The following FYN variants were observed in gnomAD, a reference collection of about 807,000 sequenced individuals.
FYN encodes the protein FYN proto-oncogene, Src family tyrosine kinase.
In FYN, 10 loss-of-function variants were observed where a neutral mutation model predicts 70.2. That is an observed-to-expected ratio of 0.14 (90% CI 0.09 to 0.24). The LOEUF is 0.24. Among genes scored for constraint, FYN ranks in the 10% least tolerant of loss-of-function variants. The pLI, the probability that FYN is intolerant of heterozygous loss-of-function variation, is 1.00. For missense variants in FYN, 319 were observed against 673.1 expected (o/e 0.47, Z 5.82); for synonymous variants, 236 against 248.6 (o/e 0.95, Z 0.48).
At chr6:111,822,636 A>G (rs1772705322) in intron 2 of FYN, among the ~76,000 whole-genome samples, 1 of 151,362 alleles carries the variant, frequency 6.6e-6, no homozygotes, top group Admixed American at 6.6e-5. Context: ...TTATATATAT[A>G]TATAAAATTT....
chr6:111,846,839 A>G (rs1159197796), intron 1 of FYN, among the ~76,000 whole-genome samples: 1 of 152,198 alleles, frequency 6.6e-6, no homozygotes, highest in African/African-American at 2.4e-5. Context: ...TTGTACCACC[A>G]AAGGAAGCCA....
At chr6:111,821,625 T>C (rs1772665916) in intron 2 of FYN, among the ~76,000 whole-genome samples, 1 of 152,040 alleles carries the variant, frequency 6.6e-6, no homozygotes. Flanking sequence ...AAAGCCAAAA[T>C]TGACAAATGG....
chr6:111,706,430 G>A (rs1018960457), intron 6 of FYN, among the ~76,000 whole-genome samples: 12 of 152,204 alleles, frequency 7.9e-5, no homozygotes, highest in African/African-American at 2.9e-4. Flanking sequence ...GAGACATTGC[G>A]TATTAGCTCC....
At chr6:111,849,091 G>C (rs1331738578) in intron 1 of FYN, among the ~76,000 whole-genome samples, 1 of 152,132 alleles carries the variant, frequency 6.6e-6, no homozygotes, top group Non-Finnish European at 1.5e-5. Flanking sequence ...TTCAATTGTG[G>C]GCTTTGGGCA....
chr6:111,695,228 C>CGATT (rs1279389019), intron 10 of FYN, among the ~76,000 whole-genome samples: 211 of 152,248 alleles, frequency 1.4e-3, no homozygotes, highest in African/African-American at 4.8e-3. Flanking sequence ...TTTAAGAAGG[C>CGATT]CTACAGGTGA....
chr6:111,842,032 CTT>C (rs938171280), intron 2 of FYN, among the ~76,000 whole-genome samples: 3 of 151,958 alleles, frequency 2.0e-5, no homozygotes, highest in African/African-American at 7.3e-5. Context: ...CATTCTTGCT[CTT>C]TCTCTCCCTG....
At chr6:111,830,715 T>C (rs145429207) in intron 2 of FYN, among the ~76,000 whole-genome samples, 24 of 152,074 alleles carry the variant, frequency 1.6e-4, no homozygotes, top group African/African-American at 4.6e-4. Flanking sequence ...ATAAATTCTC[T>C]GGGAGATAGG....
chr6:111,674,037 T>C (rs775575097), intron 13 of FYN, among the ~76,000 whole-genome samples: 4 of 152,234 alleles, frequency 2.6e-5, no homozygotes, highest in Non-Finnish European at 4.4e-5. Flanking sequence ...CTGGGTCCTG[T>C]GGAGAGAACA....
At chr6:111,773,328 G>GGA (rs1562515031) in intron 3 of FYN, among the ~76,000 whole-genome samples, 2 of 75,754 alleles carry the variant, frequency 2.6e-5, no homozygotes, top group Admixed American at 1.6e-4. Context: ...GAGGGGGAGG[G>GGA]AGAGGGAAAG....
At chr6:111,845,800 A>T (rs1000231620) in intron 2 of FYN, among the ~76,000 whole-genome samples, 1 of 152,170 alleles carries the variant, frequency 6.6e-6, no homozygotes, top group Non-Finnish European at 1.5e-5. Flanking sequence ...GGCTAGCGAG[A>T]GCTGCGACGT....
At chr6:111,676,919 A>G (rs887873827) in intron 12 of FYN, among the ~76,000 whole-genome samples, 10 of 152,212 alleles carry the variant, frequency 6.6e-5, no homozygotes, top group Non-Finnish European at 1.2e-4. Context: ...AAAAAAACCA[A>G]CGGCAATATC....
intron 2 of FYN, among the ~76,000 whole-genome samples, chr6:111,794,360 A>G (rs1269116261): frequency 6.6e-6 from 1 of 152,232 alleles, no homozygotes; most frequent in Non-Finnish European, 1.5e-5. Flanking sequence ...TTGATCATGA[A>G]TGCCACAGAG....
chr6:111,868,028 C>T (rs1007569408), intron 1 of FYN, among the ~76,000 whole-genome samples: 6 of 152,116 alleles, frequency 3.9e-5, no homozygotes, highest in Non-Finnish European at 8.8e-5. Context: ...CTTTCTGGGA[C>T]AGGGAGCTTC....
intron 2 of FYN, among the ~76,000 whole-genome samples, chr6:111,796,418 CCAGAAG>C (rs547270940): frequency 5.5e-4 from 84 of 152,242 alleles, no homozygotes; most frequent in Non-Finnish European, 1.0e-3. Context: ...AGGTTTGTAA[CCAGAAG>C]CAGTGGGCTA....
chr6:111,796,918 C>T (rs1221011908), intron 2 of FYN, among the ~76,000 whole-genome samples: 1 of 152,196 alleles, frequency 6.6e-6, no homozygotes, highest in Non-Finnish European at 1.5e-5. Flanking sequence ...TCCAGGTTCA[C>T]CTGTCATGTG....
intron 3 of FYN, among the ~76,000 whole-genome samples, chr6:111,760,502 T>C (rs531794426): frequency 1.6e-4 from 24 of 152,158 alleles, no homozygotes; most frequent in Non-Finnish European, 3.2e-4. Context: ...ACAAATTTAA[T>C]GTGTGTTATG....
chr6:111,821,163 C>T (rs1321964549), intron 2 of FYN, among the ~76,000 whole-genome samples: 2 of 151,970 alleles, frequency 1.3e-5, no homozygotes, highest in Non-Finnish European at 2.9e-5. Flanking sequence ...CAAAAAAGAG[C>T]CCGCATTGCC....
At chr6:111,828,025 T>C (rs796200177) in intron 2 of FYN, among the ~76,000 whole-genome samples, 9 of 152,326 alleles carry the variant, frequency 5.9e-5, no homozygotes, top group African/African-American at 2.2e-4. Flanking sequence ...CCGTGTCAAG[T>C]TGACAGTGTT....
chr6:111,754,370 C>T (rs1435116155), intron 3 of FYN: 1 of 152,166 alleles, frequency 6.6e-6, no homozygotes, highest in Non-Finnish European at 1.5e-5. Context: ...TCTTCGCAAA[C>T]CTTTTACTAC....
Sources: gnomAD v4.1 joint callset for allele counts (sites outside exome capture counted in the v4.1 genomes callset) on GRCh38, gnomAD v4.1.1 for gene constraint, MANE v1.5 for transcripts, NCBI Gene and HGNC (gene_info 2026-07-23, HGNC 2026-07-21) for gene names.